CMSS1: variants seen among roughly 807,000 people sequenced by gnomAD.
CMSS1 encodes cms1 ribosomal small subunit homolog.
CMSS1 carries 33 observed loss-of-function variants against 43.5 expected under a neutral mutation model. The ratio of observed to expected loss-of-function variants is 0.76; its 90% CI spans 0.57 to 1.01. CMSS1 has a LOEUF of 1.01. Among genes scored for constraint, CMSS1 ranks in the 50% least tolerant of loss-of-function variants. The pLI, the probability that CMSS1 is intolerant of heterozygous loss-of-function variation, is 0.00. For synonymous variants in CMSS1, 115 were observed against 117.2 expected, an observed-to-expected ratio of 0.98 and a Z score of 0.12; for missense variants, 313 against 326.4, an observed-to-expected ratio of 0.96 and a Z score of 0.32.
At chr3:100,036,976 T>G (rs1446118087) in intron 1 of CMSS1, among the ~76,000 whole-genome samples, 2 of 152,186 alleles carry the variant, frequency 1.3e-5, no homozygotes, top group Non-Finnish European at 2.9e-5. Flanking sequence ...TCAAAAATGT[T>G]AGTATCCTGA....
chr3:99,855,214 G>A (rs1943902441), intron 1 of CMSS1, among the ~76,000 whole-genome samples: 1 of 152,156 alleles, frequency 6.6e-6, no homozygotes, highest in South Asian at 2.1e-4. Context: ...GATACCAGGT[G>A]AGAGAATATG....
chr3:100,055,204 G>T (rs1488777503), intron 1 of CMSS1, among the ~76,000 whole-genome samples: 1 of 152,124 alleles, frequency 6.6e-6, no homozygotes, highest in African/African-American at 2.4e-5. Flanking sequence ...ATTTCTTCGT[G>T]TATGCATAGG....
intron 1 of CMSS1, among the ~76,000 whole-genome samples, chr3:99,921,260 T>C (rs1707115333): frequency 6.6e-6 from 1 of 152,220 alleles, no homozygotes; most frequent in African/African-American, 2.4e-5. Context: ...CTCTTGTGTG[T>C]AAGCACCTCC....
At chr3:99,850,140 C>A in intron 1 of CMSS1, 1 of 1,611,626 alleles carries the variant, frequency 6.2e-7, no homozygotes, top group Non-Finnish European at 8.5e-7. Flanking sequence ...CTTCAGTTTT[C>A]TTTAATTTTT....
chr3:100,131,686 A>C (rs1424844624), intron 1 of CMSS1, among the ~76,000 whole-genome samples: 1 of 152,254 alleles, frequency 6.6e-6, no homozygotes, highest in African/African-American at 2.4e-5. Flanking sequence ...TAGGAAAATA[A>C]AAAAGAAGAA....
chr3:100,053,527 C>A (rs2065409002), intron 1 of CMSS1, among the ~76,000 whole-genome samples: 1 of 152,134 alleles, frequency 6.6e-6, no homozygotes, highest in Non-Finnish European at 1.5e-5. Context: ...TGGGGCCTAC[C>A]CTAATCCAGT....
At chr3:99,982,508 T>A (rs1193776317) in intron 1 of CMSS1, among the ~76,000 whole-genome samples, 1 of 152,044 alleles carries the variant, frequency 6.6e-6, no homozygotes, top group African/African-American at 2.4e-5. Context: ...GCCCAGCTAA[T>A]TTTTTTATTT....
Position 100,082,666 on chromosome 3 carries a change from C to T in CMSS1, c.65-64307C>T, listed in dbSNP as rs535023964. ...CTATTTTTTGGTTATAGTCGAGCTC[C>T]AACAAATTTTATTTAGGAAGCCTTT... On this transcript the variant is annotated intron_variant, in intron 1 of 9. Transcript: ENST00000421999. Among the ~76,000 whole-genome samples, 3 of 152,302 alleles carry T rather than the reference C, an allele frequency of 2.0e-5. No homozygotes were observed. In the South Asian group the frequency reaches 6.2e-4, roughly 32 times the overall value.
At chr3:99,979,235 AT>A in intron 1 of CMSS1, among the ~76,000 whole-genome samples, 1 of 152,310 alleles carries the variant, frequency 6.6e-6, no homozygotes, top group African/African-American at 2.4e-5. Context: ...AAATAAATAA[AT>A]TTTCAAAAAC....
intron 1 of CMSS1, among the ~76,000 whole-genome samples, chr3:100,093,502 A>C (rs1576049928): frequency 2.0e-5 from 3 of 152,330 alleles, no homozygotes; most frequent in Middle Eastern, 6.8e-3. Flanking sequence ...ACTTTGAGAT[A>C]ATTGTGATTC....
At chr3:99,870,506 C>T (rs1944734194) in intron 1 of CMSS1, among the ~76,000 whole-genome samples, 1 of 152,138 alleles carries the variant, frequency 6.6e-6, no homozygotes, top group South Asian at 2.1e-4. Flanking sequence ...AAGTTGTTGT[C>T]CAAGAGCTGC....
intron 1 of CMSS1, among the ~76,000 whole-genome samples, chr3:99,997,045 A>G (rs1709705842): frequency 6.6e-6 from 1 of 152,250 alleles, no homozygotes; most frequent in African/African-American, 2.4e-5. Flanking sequence ...CATCAATAAA[A>G]TATCTGAAAT....
intron 1 of CMSS1, among the ~76,000 whole-genome samples, chr3:99,927,473 G>T (rs545382207): frequency 6.6e-6 from 1 of 151,618 alleles, no homozygotes; most frequent in Admixed American, 6.6e-5. Context: ...GGGTTCAAGC[G>T]ATTCACCTGC....
At chr3:100,113,621 C>T (rs2066526489) in intron 1 of CMSS1, among the ~76,000 whole-genome samples, 1 of 152,182 alleles carries the variant, frequency 6.6e-6, no homozygotes, top group Non-Finnish European at 1.5e-5. Flanking sequence ...TTAACCTATT[C>T]AGTATAATTC....
chr3:100,005,390 A>G (rs749513101), intron 1 of CMSS1, among the ~76,000 whole-genome samples: 1 of 152,028 alleles, frequency 6.6e-6, no homozygotes, highest in South Asian at 2.1e-4. Context: ...GGGTCCCTCT[A>G]CCCCCACTGT....
At chr3:100,032,819 T>A (rs879860920) in intron 1 of CMSS1, among the ~76,000 whole-genome samples, 3 of 152,182 alleles carry the variant, frequency 2.0e-5, no homozygotes, top group Non-Finnish European at 4.4e-5. Context: ...ATGACACTTA[T>A]GACAATGATA....
intron 1 of CMSS1, among the ~76,000 whole-genome samples, chr3:100,018,448 T>C (rs1710408335): frequency 6.6e-6 from 1 of 152,232 alleles, no homozygotes; most frequent in South Asian, 2.1e-4. Context: ...GAGAGGGCCC[T>C]TCAAAGTCAG....
intron 1 of CMSS1, among the ~76,000 whole-genome samples, chr3:99,841,894 A>T (rs1943149062): frequency 6.6e-6 from 1 of 152,176 alleles, no homozygotes; most frequent in Non-Finnish European, 1.5e-5. Context: ...TGAGAATGTA[A>T]ACTAGTACGA....
At chr3:100,147,192 C>T (rs1411333516) in intron 2 of CMSS1, 131 bp downstream of exon 2, 2 of 948,604 alleles carry the variant, frequency 2.1e-6, no homozygotes, top group Non-Finnish European at 3.0e-6. Flanking sequence ...CTTTCTTTCC[C>T]TTTGAAAAGG....
Sources: allele counts gnomAD v4.1 joint callset (sites outside exome capture counted in the v4.1 genomes callset), GRCh38; gene constraint gnomAD v4.1.1; transcripts MANE v1.5; gene names NCBI Gene and HGNC (gene_info 2026-07-23, HGNC 2026-07-21).